Variants in MAD1L1 observed in about 807,000 individuals in gnomAD.
MAD1L1 encodes the protein mitotic spindle assembly checkpoint protein MAD1.
In MAD1L1, 95 loss-of-function variants were observed where a neutral mutation model predicts 96.9. That is an observed-to-expected ratio of 0.98 (90% CI 0.83 to 1.16). MAD1L1 has a LOEUF of 1.16. Ranked by LOEUF, MAD1L1 falls within the 50% of genes most tolerant of loss-of-function variation. The pLI, the probability that MAD1L1 is intolerant of heterozygous loss-of-function variation, is 0.00. For synonymous variants in MAD1L1, 473 were observed against 396.6 expected, an observed-to-expected ratio of 1.19 and a Z score of -2.29; for missense variants, 1,007 against 954.4, an observed-to-expected ratio of 1.06 and a Z score of -0.73.
intron 18 of MAD1L1, among the ~76,000 whole-genome samples, chr7:1,839,556 C>A (rs1783129132): frequency 6.6e-6 from 1 of 152,186 alleles, no homozygotes; most frequent in African/African-American, 2.4e-5. Flanking sequence ...TCGTGGAGAA[C>A]TGGACGCAGA....
intron 17 of MAD1L1, among the ~76,000 whole-genome samples, chr7:1,905,311 C>T (rs1787556071): frequency 1.1e-5 from 1 of 89,490 alleles, no homozygotes; most frequent in African/African-American, 3.8e-5. Flanking sequence ...TTCCAGGCAG[C>T]AAGGATGCAG....
chr7:2,081,517 C>A (rs942875239), intron 11 of MAD1L1, among the ~76,000 whole-genome samples: 2 of 152,200 alleles, frequency 1.3e-5, no homozygotes, highest in African/African-American at 4.8e-5. Flanking sequence ...TGCCAAAAAT[C>A]CCCGCATCGG....
At chr7:2,151,814 G>C (rs1355154156) in intron 10 of MAD1L1, among the ~76,000 whole-genome samples, 1 of 152,206 alleles carries the variant, frequency 6.6e-6, no homozygotes, top group South Asian at 2.1e-4. Flanking sequence ...GAAGTGCTGG[G>C]CGCCCACAGA....
intron 16 of MAD1L1, among the ~76,000 whole-genome samples, chr7:1,938,746 G>GCACA (rs71023370): frequency 1.3e-4 from 13 of 99,660 alleles, no homozygotes; most frequent in East Asian, 3.7e-4. Context: ...AGGCGCGCAC[G>GCACA]CACACACACA....
intron 12 of MAD1L1, among the ~76,000 whole-genome samples, chr7:2,060,179 C>T (rs540117208): frequency 7.5e-5 from 11 of 146,068 alleles, no homozygotes; most frequent in East Asian, 2.0e-4. Context: ...ACGCCGATGC[C>T]GAGATACACC....
At chr7:1,850,349 T>C (rs974305250) in intron 18 of MAD1L1, among the ~76,000 whole-genome samples, 4 of 152,162 alleles carry the variant, frequency 2.6e-5, no homozygotes, top group Non-Finnish European at 5.9e-5. Flanking sequence ...CCCTGCCTCC[T>C]AGGAACTCAC....
intron 10 of MAD1L1, among the ~76,000 whole-genome samples, chr7:2,179,358 T>A (rs1187851630): frequency 1.3e-5 from 2 of 151,634 alleles, no homozygotes; most frequent in Non-Finnish European, 2.9e-5. Context: ...TAAAACCCCG[T>A]CTCTACTAAA....
At chr7:1,992,313 C>G (rs116381295) in intron 14 of MAD1L1, among the ~76,000 whole-genome samples, 25 of 151,832 alleles carry the variant, frequency 1.6e-4, no homozygotes, top group Admixed American at 9.9e-4. Context: ...ATGTGGCTTC[C>G]AAGGGCTCCA....
intron 17 of MAD1L1, among the ~76,000 whole-genome samples, chr7:1,914,362 G>C (rs974452654): frequency 6.6e-6 from 1 of 152,348 alleles, no homozygotes; most frequent in Admixed American, 6.5e-5. Flanking sequence ...CTGGTGGCCC[G>C]CTACAATCAC....
At chr7:1,984,066 C>G (rs1184381464) in intron 14 of MAD1L1, among the ~76,000 whole-genome samples, 1 of 152,186 alleles carries the variant, frequency 6.6e-6, no homozygotes, top group Admixed American at 6.5e-5. Flanking sequence ...AATATTTAAA[C>G]TTGTGAATTT....
chr7:2,220,361 A>T (rs1793533660), intron 5 of MAD1L1, among the ~76,000 whole-genome samples: 3 of 152,164 alleles, frequency 2.0e-5, no homozygotes, highest in Non-Finnish European at 4.4e-5. Context: ...GACCACTCCC[A>T]CCAGGCGACC....
In MAD1L1 at chr7:2,146,913, C is replaced by T. The variant is rs1462095155; in HGVS notation, c.1073+2239G>A. Among the ~76,000 whole-genome samples, 1 of 152,018 alleles carries T rather than the reference C, an allele frequency of 6.6e-6. No homozygotes were observed. Among genetic ancestry groups the T allele is most frequent in the Non-Finnish European group, 1.5e-5 (1 of 67,988 alleles). On this transcript the variant is annotated intron_variant, in intron 11 of 18. Coordinates refer to ENST00000265854, the MANE Select transcript of MAD1L1 (RefSeq NM_001013836.2). This position sits in a 1 kb window ranked among gnomAD's most constrained non-coding sequence, Gnocchi z 6.2. ...GAGAGCAGCAGCCCAGAGGCCAGAACGCAAGCACCAAGGCCACGACGGGAC... is the reference window on the plus strand; with the variant it reads ...GAGAGCAGCAGCCCAGAGGCCAGAATGCAAGCACCAAGGCCACGACGGGAC...
chr7:2,189,979 G>A (rs1791643384), intron 10 of MAD1L1, among the ~76,000 whole-genome samples: 1 of 152,116 alleles, frequency 6.6e-6, no homozygotes. Flanking sequence ...AAACTGCACT[G>A]GAGGTCCCAG....
rs370085200 is a variant in MAD1L1 at position 1,968,219 on chromosome 7, C to T, written c.1506-10500G>A. 2.6e-5 allele frequency among the ~76,000 whole-genome samples: 4 copies of T among 151,788 alleles called. No homozygotes were observed. Among genetic ancestry groups the T allele is most frequent in the South Asian group, 2.1e-4 (1 of 4,798 alleles). ...GCCTCAATCCGGCGGTCAGGTCCAC[C>T]GTCGACGCCTCAGTCCGGCGGTCAG... On this transcript the variant is annotated intron_variant, in intron 15 of 18. Coordinates refer to ENST00000265854, the MANE Select transcript of MAD1L1 (RefSeq NM_001013836.2). The surrounding 1 kb of genome is among the most constrained non-coding windows in gnomAD (Gnocchi z 5.6).
intron 11 of MAD1L1, among the ~76,000 whole-genome samples, chr7:2,141,389 A>T (rs1260713576): frequency 6.6e-6 from 1 of 152,208 alleles, no homozygotes; most frequent in Non-Finnish European, 1.5e-5. Flanking sequence ...GCTCGATCTC[A>T]GGCCCAGCAG....
At chr7:2,095,164 T>G (rs1786419626) in intron 11 of MAD1L1, among the ~76,000 whole-genome samples, 4 of 152,096 alleles carry the variant, frequency 2.6e-5, no homozygotes, top group Admixed American at 2.6e-4. Context: ...TGCCTCAGCC[T>G]CCCAAGTAGC....
At chr7:2,057,460 GC>G (rs1784428947) in intron 12 of MAD1L1, among the ~76,000 whole-genome samples, 1 of 152,138 alleles carries the variant, frequency 6.6e-6, no homozygotes, top group African/African-American at 2.4e-5. Flanking sequence ...GTTGCAGTGA[GC>G]CAAGATTGCA....
Position 2,230,058 on chromosome 7 carries a change from C to A in MAD1L1, c.76G>T (p.Glu26Ter). Residue 26 changes from glutamate (E) to a stop codon, truncating the protein, a stop_gained, in exon 3 of 19, where the codon GAG becomes TAG. Coordinates refer to ENST00000265854, the MANE Select transcript of MAD1L1 (RefSeq NM_001013836.2). LOFTEE classifies it high-confidence loss of function. ...SLNNFISQRV[E>*]GGSGLDISTS... Reference sequence around the variant, plus strand: ...GAAATATCCAGTCCAGAGCCTCCCTCCACACGCTGAGAGATGAAGTTGTTC... The same window carrying A: ...GAAATATCCAGTCCAGAGCCTCCCTACACACGCTGAGAGATGAAGTTGTTC... 1 of 1,613,604 alleles carries A rather than the reference C, an allele frequency of 6.2e-7. No homozygotes were observed. Among genetic ancestry groups the A allele is most frequent in the Non-Finnish European group, 8.5e-7 (1 of 1,179,814 alleles).
chr7:1,877,942 G>C (rs544310373), intron 18 of MAD1L1, among the ~76,000 whole-genome samples: 20 of 152,234 alleles, frequency 1.3e-4, no homozygotes, highest in African/African-American at 4.8e-4. Context: ...ATAAAACTTA[G>C]AGTGATGACG....
Sources: gnomAD v4.1 joint callset for allele counts (sites outside exome capture counted in the v4.1 genomes callset) on GRCh38, gnomAD v4.1.1 for gene constraint, Gnocchi (gnomAD v3.1) non-coding constraint, MANE v1.5 for transcripts, NCBI Gene and HGNC (gene_info 2026-07-23, HGNC 2026-07-21) for gene names.